The following NLRP11 variants were observed in gnomAD, a reference collection of about 807,000 sequenced individuals.
NLRP11 encodes the protein NACHT, LRR and PYD domains-containing protein 11.
A neutral mutation model predicts 79.3 loss-of-function variants in NLRP11; 53 were observed. The ratio of observed to expected loss-of-function variants is 0.67; its 90% CI spans 0.54 to 0.84. The LOEUF (loss-of-function observed/expected upper bound fraction) is 0.84, where lower values mean the gene tolerates loss of function less well. NLRP11 is among the 40% of genes least tolerant of loss of function. NLRP11 has a pLI of 0.00. For synonymous variants in NLRP11, 518 were observed against 462.6 expected, an observed-to-expected ratio of 1.12 and a Z score of -1.54; for missense variants, 1,264 against 1,255.0, an observed-to-expected ratio of 1.01 and a Z score of -0.11.
intron 1 of NLRP11, among the ~76,000 whole-genome samples, chr19:55,819,286 C>A (rs981709162): frequency 6.6e-6 from 1 of 152,230 alleles, no homozygotes; most frequent in East Asian, 1.9e-4. Flanking sequence ...GGCCAGGCTC[C>A]TGCTGTAAGA....
Position 55,795,819 on chromosome 19 carries a change from G to A in NLRP11, c.2342+261C>T, listed in dbSNP as rs1978789354. On this transcript the variant is annotated intron_variant, in intron 6 of 9. Coordinates refer to ENST00000589093, the Ensembl canonical transcript of NLRP11. Reference sequence around the variant, plus strand: ...ACCATTTTTAACTCTTATCTCCAAAGATGTATGTTTGGTCATGTTATGACT... The same window carrying A: ...ACCATTTTTAACTCTTATCTCCAAAAATGTATGTTTGGTCATGTTATGACT... Among the ~76,000 whole-genome samples, 3 of 152,212 alleles carry A rather than the reference G, an allele frequency of 2.0e-5. No homozygotes were observed. In the South Asian group the frequency reaches 6.2e-4, roughly 32 times the overall value.
At chr19:55,796,387 TA>T in intron 5 of NLRP11, 137 bp from the exon 6 acceptor site, 1 of 734,106 alleles carries the variant, frequency 1.4e-6, no homozygotes, top group Non-Finnish European at 2.2e-6. Context: ...CCTTTGCTTC[TA>T]ACCTTTCTTC....
At chr19:55,795,965 G>A (rs983485191) in intron 6 of NLRP11, 115 bp downstream of exon 6, 1 of 897,912 alleles carries the variant, frequency 1.1e-6, no homozygotes, top group Non-Finnish European at 1.7e-6. Flanking sequence ...CAAAGACTGT[G>A]CTTTCGGCTG....
At chr19:55,823,081 G>A (rs1454912529) in intron 1 of NLRP11, among the ~76,000 whole-genome samples, 5 of 147,874 alleles carry the variant, frequency 3.4e-5, no homozygotes, top group South Asian at 4.3e-4. Flanking sequence ...CCAGCAGACT[G>A]CCTCCTCAAG....
In NLRP11 at chr19:55,792,490, GAGTC is replaced by G. The variant is rs1978366436; in HGVS notation, c.2343-23_2343-20del. ...GACTAACCTGCACACAGAGAAGAGT[GAGTC>G]AGTGACAGTGTGAGCACCAGAGAGG... is the stretch of plus-strand genomic sequence containing the variant. On this transcript the variant is annotated intron_variant, in intron 6 of 9. Coordinates refer to ENST00000589093, the Ensembl canonical transcript of NLRP11. 1 of 1,611,362 alleles carries G rather than the reference GAGTC, an allele frequency of 6.2e-7. No individual in the cohort carries two copies. The highest frequency in any genetic ancestry group is 2.2e-5 in the East Asian group (1 of 44,868).
intron 1 of NLRP11, among the ~76,000 whole-genome samples, chr19:55,821,249 A>ACAC (rs1443325918): frequency 3.8e-3 from 475 of 124,396 alleles, no homozygotes; most frequent in African/African-American, 0.013. Context: ...ACACACACAC[A>ACAC]CCCCAAGCAC....
At position 55,803,316 on chromosome 19, in the gene NLRP11, G is replaced by C. The variant is rs77361613; in HGVS notation, c.2004-1577C>G. On this transcript the variant is annotated intron_variant, in intron 4 of 9. Coordinates refer to ENST00000589093, the Ensembl canonical transcript of NLRP11. ...GAGCCGAGATCATGCCACTGTACTG[G>C]GGAACAGAGCAAGATTCCGTTATAA... Among the ~76,000 whole-genome samples the C allele has an allele frequency of 3.9e-3, 593 of 152,020 alleles. 4 individuals are homozygous for C. Among genetic ancestry groups the C allele is most frequent in the African/African-American group, 0.014 (569 of 41,466 alleles).
intron 2 of NLRP11, 40 bp downstream of exon 2, chr19:55,817,864 T>C: frequency 6.7e-7 from 1 of 1,496,740 alleles, no homozygotes; most frequent in Non-Finnish European, 9.0e-7. Context: ...TCCTGTGAAG[T>C]GCCCTGATTT....
chr19:55,792,629 G>A (rs1978387386), intron 6 of NLRP11, among the ~76,000 whole-genome samples, 158 bp from the exon 7 acceptor site: 1 of 152,182 alleles, frequency 6.6e-6, no homozygotes, highest in African/African-American at 2.4e-5. Context: ...GAGATTAGAA[G>A]TACCCCAAAT....
At chr19:55,785,805 G>C in exon 10 of NLRP11, 1 of 1,613,972 alleles carries the variant, frequency 6.2e-7, no homozygotes. Context: ...AGATCAAACT[G>C]GGTTTTCTTT....
In NLRP11 at chr19:55,801,179, C is replaced by CAAA. The variant is rs149428235; in HGVS notation, c.2171+390_2171+392dup. On this transcript the variant is annotated intron_variant, in intron 5 of 9. Coordinates refer to ENST00000589093, the Ensembl canonical transcript of NLRP11. Reference sequence around the variant, plus strand: ...GGGCAACAAGGGCGAAACTCCATCTCAAAAAAAAAAAAAAAATTAGTTTCA... The same window carrying CAAA: ...GGGCAACAAGGGCGAAACTCCATCTCAAAAAAAAAAAAAAAAAAATTAGTTTCA... 336 of 144,298 alleles carry CAAA rather than the reference C, an allele frequency of 2.3e-3. 1 individual carries two copies. Among genetic ancestry groups the CAAA allele is most frequent in the South Asian group, 4.6e-3 (22 of 4,734 alleles). The allele number at this position is 144,298 out of a possible 1,614,324, so 8.9% of individuals were successfully genotyped here. A position where few individuals can be genotyped will look rare whatever the true frequency, so the allele number is the denominator to read the frequency against.
intron 3 of NLRP11, 60 bp downstream of exon 3, chr19:55,808,709 C>T (rs1980250853): frequency 6.7e-7 from 1 of 1,490,544 alleles, no homozygotes; most frequent in Non-Finnish European, 9.0e-7. Flanking sequence ...TCAACAAGCT[C>T]TAGAATTATG....
chr19:55,796,756 G>T (rs558637793), intron 5 of NLRP11, among the ~76,000 whole-genome samples: 1 of 150,982 alleles, frequency 6.6e-6, no homozygotes, highest in Admixed American at 6.6e-5. Context: ...GTGCGATCTC[G>T]GCTCACTGCA....
chr19:55,799,720 C>A (rs1210998652), intron 5 of NLRP11, among the ~76,000 whole-genome samples: 1 of 151,972 alleles, frequency 6.6e-6, no homozygotes, highest in African/African-American at 2.4e-5. Flanking sequence ...AAGTGAGGGG[C>A]TGGGTGCAGT....
upstream of NLRP11, among the ~76,000 whole-genome samples, chr19:55,835,048 T>G (rs1198829068): frequency 1.3e-5 from 2 of 152,178 alleles, no homozygotes; most frequent in African/African-American, 4.8e-5. Flanking sequence ...AAGGTCCCCA[T>G]CATGTCTGCT....
At chr19:55,789,616 C>G (rs976032957) in intron 7 of NLRP11, among the ~76,000 whole-genome samples, 1 of 152,220 alleles carries the variant, frequency 6.6e-6, no homozygotes, top group Non-Finnish European at 1.5e-5. Flanking sequence ...TCACAGGGCT[C>G]TTATCCTGGT....
chr19:55,835,078 C>G (rs964836912), upstream of NLRP11, among the ~76,000 whole-genome samples: 1 of 152,150 alleles, frequency 6.6e-6, no homozygotes. Context: ...AGGTTCTGGA[C>G]CACAGAGACT....
chr19:55,794,653 G>A (rs111479328), intron 6 of NLRP11, among the ~76,000 whole-genome samples: 25 of 152,128 alleles, frequency 1.6e-4, no homozygotes, highest in Non-Finnish European at 2.5e-4. Flanking sequence ...CCAGCTACTC[G>A]GGAGGCTGAG....
chr19:55,832,637 T>C (rs1324702070), upstream of NLRP11, among the ~76,000 whole-genome samples: 1 of 152,152 alleles, frequency 6.6e-6, no homozygotes, highest in Non-Finnish European at 1.5e-5. Context: ...ATTGAACAGA[T>C]TACAGAAGAA....
Sources: allele counts gnomAD v4.1 joint callset (sites outside exome capture counted in the v4.1 genomes callset), GRCh38; gene constraint gnomAD v4.1.1; transcripts MANE v1.5; gene names NCBI Gene and HGNC (gene_info 2026-07-23, HGNC 2026-07-21).